NCOA2: variants seen among roughly 807,000 people sequenced by gnomAD.
The protein encoded by NCOA2 is nuclear receptor coactivator 2, also known as class E basic helix-loop-helix protein 75.
Under a neutral mutation model 145.1 loss-of-function variants are expected in NCOA2, and 21 were observed. The observed-to-expected ratio is 0.14, with a 90% CI of 0.10 to 0.21. NCOA2 has a LOEUF of 0.21. Ranked by LOEUF, NCOA2 falls within the 10% of genes least tolerant of loss-of-function variation. The probability of loss-of-function intolerance (pLI) is 1.00; values close to 1 mark genes in which losing one functional copy is unlikely to be tolerated. For synonymous variants in NCOA2, 619 were observed against 637.5 expected, an observed-to-expected ratio of 0.97 and a Z score of 0.44; for missense variants, 1,472 against 1,837.6, an observed-to-expected ratio of 0.80 and a Z score of 3.64.
rs181099739 is a variant in NCOA2 at position 70,157,350 on chromosome 8, A to G, written c.1125-110T>C. On this transcript the variant is annotated intron_variant, in intron 10 of 22. Coordinates refer to ENST00000452400, the MANE Select transcript of NCOA2 (RefSeq NM_006540.4). ...TCTTCACCTTAAAAGAACAGGCTAC[A>G]TTTTAAGGATAGATAATACTTTGTT... 1.5e-5 allele frequency: 14 copies of G among 951,222 alleles called. No individual in the cohort carries two copies. The East Asian group carries it at 3.2e-4, about 22-fold the overall frequency. 58.9% of individuals were successfully genotyped at this position (951,222 alleles called of 1,614,324 possible). A position where few individuals can be genotyped will look rare whatever the true frequency, so the allele number is the denominator to read the frequency against.
chr8:70,162,937 CAG>C (rs1321526606), intron 8 of NCOA2, 83 bp from the exon 9 acceptor site: 19 of 600,454 alleles, frequency 3.2e-5, no homozygotes, highest in South Asian at 6.1e-5. Context: ...TTTTTTGAGA[CAG>C]AGTCTCACTC....
the NCOA2 span, among the ~76,000 whole-genome samples, chr8:70,439,561 A>G: frequency 5.9e-5 from 9 of 152,384 alleles, no homozygotes; most frequent in South Asian, 1.9e-3. Flanking sequence ...TGCTATGAGT[A>G]GAACGCGTGG....
chr8:70,166,057 C>T lies in NCOA2; in HGVS notation c.730+509G>A, dbSNP rs561114888. ...CAGGATGGTCTCGATCTCCTGATCT[C>T]GTGATCCACCCGCCTCAGTCTCCCA... On this transcript the variant is annotated intron_variant, in intron 7 of 22. Coordinates refer to ENST00000452400, the MANE Select transcript of NCOA2 (RefSeq NM_006540.4). Among the ~76,000 whole-genome samples, 398 of 152,170 alleles carry T rather than the reference C, an allele frequency of 2.6e-3. 1 individual carries two copies. The highest frequency in any genetic ancestry group is 9.3e-3 in the African/African-American group (385 of 41,528).
intron 2 of NCOA2, among the ~76,000 whole-genome samples, chr8:70,280,131 T>C (rs752549352): frequency 3.3e-5 from 5 of 152,204 alleles, no homozygotes; most frequent in Non-Finnish European, 7.3e-5. Flanking sequence ...ACCATTTATA[T>C]AGTTTAAAGC....
intron 2 of NCOA2, among the ~76,000 whole-genome samples, chr8:70,257,843 G>A (rs1307502649): frequency 1.3e-5 from 2 of 150,468 alleles, no homozygotes; most frequent in African/African-American, 2.4e-5. Flanking sequence ...TTGGATCTGC[G>A]TCTCCCTGTC....
intron 4 of NCOA2, among the ~76,000 whole-genome samples, chr8:70,206,782 C>T (rs1049876763): frequency 3.9e-5 from 6 of 152,222 alleles, no homozygotes; most frequent in African/African-American, 1.4e-4. Context: ...TGACCCGGCA[C>T]ACACCACATG....
At chr8:70,283,327 G>C (rs1040832496) in intron 2 of NCOA2, among the ~76,000 whole-genome samples, 2 of 152,088 alleles carry the variant, frequency 1.3e-5, no homozygotes, top group Non-Finnish European at 2.9e-5. Flanking sequence ...ATGTGTATTC[G>C]TAATACCAAA....
chr8:70,226,677 TATAA>T (rs908945990), intron 2 of NCOA2, among the ~76,000 whole-genome samples: 18 of 145,256 alleles, frequency 1.2e-4, no homozygotes, highest in African/African-American at 4.7e-4. Context: ...TATATATATA[TATAA>T]AACTATACTT....
At chr8:70,427,753 C>T in the NCOA2 span, among the ~76,000 whole-genome samples, 1 of 152,110 alleles carries the variant, frequency 6.6e-6, no homozygotes, top group African/African-American at 2.4e-5. Flanking sequence ...AGGAAGATGC[C>T]AGGAGAGGAG....
chr8:70,232,053 C>CT (rs1470439042), intron 2 of NCOA2, among the ~76,000 whole-genome samples: 4 of 152,172 alleles, frequency 2.6e-5, no homozygotes, highest in Non-Finnish European at 5.9e-5. Flanking sequence ...CGGCCGCTGC[C>CT]TTCTATAATC....
the NCOA2 span, among the ~76,000 whole-genome samples, chr8:70,421,477 G>A: frequency 3.3e-5 from 5 of 152,138 alleles, no homozygotes; most frequent in African/African-American, 1.2e-4. Context: ...AGGATTGCTT[G>A]AACCCAGAAG....
At chr8:70,199,853 C>T (rs1020682026) in intron 4 of NCOA2, among the ~76,000 whole-genome samples, 1 of 152,176 alleles carries the variant, frequency 6.6e-6, no homozygotes, top group Non-Finnish European at 1.5e-5. Context: ...ATCTTTAATA[C>T]TCACGCTATC....
intron 1 of NCOA2, among the ~76,000 whole-genome samples, chr8:70,316,066 C>T (rs990511474): frequency 6.6e-6 from 1 of 152,152 alleles, no homozygotes; most frequent in Non-Finnish European, 1.5e-5. Context: ...TACTGCAGTA[C>T]ATGCTTTCTA....
chr8:70,184,687 G>A (rs183767716), intron 4 of NCOA2, among the ~76,000 whole-genome samples: 116 of 152,244 alleles, frequency 7.6e-4, no homozygotes, highest in African/African-American at 2.4e-3. Context: ...GCCAATAAAC[G>A]TGTAGAGAAA....
intron 10 of NCOA2, among the ~76,000 whole-genome samples, chr8:70,158,293 A>C (rs1228870169): frequency 6.6e-6 from 1 of 152,226 alleles, no homozygotes; most frequent in East Asian, 1.9e-4. Flanking sequence ...GACCTCATAA[A>C]GTTTTCCACA....
the NCOA2 span, among the ~76,000 whole-genome samples, chr8:70,452,996 T>TA: frequency 1.3e-5 from 2 of 152,220 alleles, no homozygotes; most frequent in Non-Finnish European, 2.9e-5. Flanking sequence ...ATTTTCAGTC[T>TA]AATGTAACCC....
intron 1 of NCOA2, among the ~76,000 whole-genome samples, chr8:70,306,503 G>C (rs550932141): frequency 6.6e-6 from 1 of 152,192 alleles, no homozygotes; most frequent in African/African-American, 2.4e-5. Flanking sequence ...TAGATCTTGA[G>C]ATGAGCATTC....
chr8:70,281,501 C>T (rs1355998968), intron 2 of NCOA2, among the ~76,000 whole-genome samples: 1 of 151,924 alleles, frequency 6.6e-6, no homozygotes, highest in Non-Finnish European at 1.5e-5. Context: ...GCTGTGGCCT[C>T]TTGTAGATCA....
intron 2 of NCOA2, among the ~76,000 whole-genome samples, chr8:70,235,163 A>G (rs1821486277): frequency 2.6e-5 from 4 of 152,226 alleles, no homozygotes. Context: ...TCGTACTGAT[A>G]CATGTTAAAA....
Sources: allele counts gnomAD v4.1 joint callset (sites outside exome capture counted in the v4.1 genomes callset), GRCh38; gene constraint gnomAD v4.1.1; transcripts MANE v1.5; gene names NCBI Gene and HGNC (gene_info 2026-07-23, HGNC 2026-07-21).